VDR: variants seen among roughly 807,000 people sequenced by gnomAD.
VDR encodes vitamin D receptor, also known as vitamin D3 receptor.
Under a neutral mutation model 39.7 loss-of-function variants are expected in VDR, and 19 were observed. That is an observed-to-expected ratio of 0.48 (90% confidence interval 0.33 to 0.70). The LOEUF (loss-of-function observed/expected upper bound fraction) is 0.70, where lower values mean the gene tolerates loss of function less well. VDR is among the 30% of genes least tolerant of loss of function. The pLI, the probability that VDR is intolerant of heterozygous loss-of-function variation, is 0.02. For synonymous variants in VDR, 242 were observed against 215.8 expected, an observed-to-expected ratio of 1.12 and a Z score of -1.07; for missense variants, 442 against 570.5, an observed-to-expected ratio of 0.77 and a Z score of 2.29.
intron 3 of VDR, among the ~76,000 whole-genome samples, chr12:47,873,636 C>G (rs1945937751): frequency 6.6e-6 from 1 of 152,122 alleles, no homozygotes; most frequent in Non-Finnish European, 1.5e-5. Context: ...GCTGGGATTA[C>G]AGGCGTGAGC....
intron 1 of VDR, 28 bp from the exon 2 acceptor site, chr12:47,882,802 T>C (rs1264740619): frequency 3.9e-6 from 6 of 1,526,866 alleles, no homozygotes; most frequent in Non-Finnish European, 4.4e-6. Flanking sequence ...AAACCTTTTA[T>C]CTAAGGCGGA....
In VDR at chr12:47,863,366, A is replaced by G. The variant is rs914910298; in HGVS notation, c.277+1681T>C. Among the ~76,000 whole-genome samples the G allele has an allele frequency of 7.9e-5, 12 of 152,208 alleles. 1 individual carries two copies. Among genetic ancestry groups the G allele is most frequent in the African/African-American group, 2.9e-4 (12 of 41,460 alleles). On this transcript the variant is annotated intron_variant, in intron 4 of 9. Transcript: ENST00000549336. The stretch of plus-strand genomic sequence containing the variant: ...GTAGGAGAGGGGCCTCTTGGGCATC[A>G]GTGAGCTTAGTCCTGAGGGGAACTC...
intron 2 of VDR, 49 bp downstream of exon 2, chr12:47,882,645 C>CCTT: frequency 9.7e-7 from 1 of 1,027,896 alleles, no homozygotes; most frequent in Non-Finnish European, 1.4e-6. Flanking sequence ...CACCCCGCCC[C>CCTT]TTGAAAACAG....
intron 4 of VDR, among the ~76,000 whole-genome samples, chr12:47,859,805 T>C (rs992273652): frequency 4.6e-5 from 7 of 152,190 alleles, no homozygotes; most frequent in African/African-American, 1.7e-4. Flanking sequence ...GCAGGGTCCA[T>C]GTCTTACAAT....
At chr12:47,896,171 C>T (rs562198553) in intron 1 of VDR, among the ~76,000 whole-genome samples, 205 of 152,216 alleles carry the variant, frequency 1.3e-3, no homozygotes, top group Non-Finnish European at 2.4e-3. Flanking sequence ...GAGATAATCA[C>T]GTCAAGTGCT....
chr12:47,865,247 C>G, intron 3 of VDR, 70 bp from the exon 4 acceptor site: 1 of 1,595,066 alleles, frequency 6.3e-7, no homozygotes, highest in East Asian at 2.2e-5. Flanking sequence ...ATCACGGAGA[C>G]CTGTCTTCTG....
intron 1 of VDR, among the ~76,000 whole-genome samples, chr12:47,896,317 A>G (rs917366724): frequency 6.6e-6 from 1 of 152,222 alleles, no homozygotes; most frequent in Non-Finnish European, 1.5e-5. Flanking sequence ...ACACAAAGCA[A>G]TTGCCCTTCA....
intron 4 of VDR, among the ~76,000 whole-genome samples, chr12:47,859,401 A>T (rs540355779): frequency 1.4e-4 from 21 of 152,332 alleles, no homozygotes; most frequent in African/African-American, 5.0e-4. Flanking sequence ...TTCTGGACAC[A>T]GCCTCTGTTC....
intron 7 of VDR, 103 bp downstream of exon 7, chr12:47,855,526 TA>T: frequency 7.1e-7 from 1 of 1,401,324 alleles, no homozygotes; most frequent in Non-Finnish European, 9.8e-7. Context: ...TTTAAAAAAA[TA>T]AAAAATAAAA....
chr12:47,899,954 G>A (rs1565640084), intron 1 of VDR: 1 of 985,494 alleles, frequency 1.0e-6, no homozygotes, highest in African/African-American at 1.7e-5. Context: ...CTAGGTTCAG[G>A]AGCCCTTAAG....
chr12:47,852,084 G>T (rs1416739496), intron 7 of VDR, among the ~76,000 whole-genome samples: 1 of 152,222 alleles, frequency 6.6e-6, no homozygotes, highest in African/African-American at 2.4e-5. Context: ...GGAGGCTGGG[G>T]TTCCTTAGTG....
intron 1 of VDR, chr12:47,904,637 G>A (rs1053167462): frequency 2.1e-5 from 32 of 1,535,552 alleles, no homozygotes; most frequent in African/African-American, 4.1e-5. Context: ...CCATGCCAAG[G>A]CGCCCCGACA....
At chr12:47,895,999 C>A (rs2137243603) in intron 1 of VDR, among the ~76,000 whole-genome samples, 1 of 152,352 alleles carries the variant, frequency 6.6e-6, no homozygotes, top group East Asian at 1.9e-4. Context: ...GTTAGAAGTG[C>A]AGGCTCTGGA....
chr12:47,904,840 G>T (rs1946640991), intron 1 of VDR, 115 bp downstream of exon 1: 2 of 475,462 alleles, frequency 4.2e-6, no homozygotes, highest in African/African-American at 2.0e-5. Flanking sequence ...CAAGTTTACC[G>T]CTGAGACTTA....
rs372214151 is a variant in VDR, at chr12:47,850,799, C to G, written c.756-3991G>C. On this transcript the variant is annotated intron_variant, in intron 7 of 9. Transcript: ENST00000549336. ...ACGCCTGCAGCCGCTTCTGGGCACC[C>G]GAGATGTGACTGGAATTGTGTTGCT... Among the ~76,000 whole-genome samples, 113 of 152,200 alleles carry G rather than the reference C, an allele frequency of 7.4e-4. 1 individual carries two copies. Among genetic ancestry groups the G allele is most frequent in the Middle Eastern group, 6.8e-3 (2 of 294 alleles).
At position 47,844,346 on chromosome 12, in the gene VDR, C is replaced by A. The variant is rs751608396; in HGVS notation, c.*400G>T. On this transcript the variant is annotated 3_prime_UTR_variant, in exon 10 of 10. Coordinates refer to ENST00000549336, the MANE Select transcript of VDR (RefSeq NM_000376.3). Reference sequence around the variant, plus strand: ...CCCACTAGGCGCTGGACAAGCGGGGCCTGCAGTGGGGGGAGGTGCAGGTGT... The same window carrying A: ...CCCACTAGGCGCTGGACAAGCGGGGACTGCAGTGGGGGGAGGTGCAGGTGT... The A allele has an allele frequency of 3.5e-5, 12 of 341,584 alleles. No individual in the cohort carries two copies. In the Admixed American group the frequency reaches 4.0e-4, roughly 11 times the overall value. 21.2% of individuals were successfully genotyped at this position (341,584 alleles called of 1,614,324 possible). A position where few individuals can be genotyped will look rare whatever the true frequency, so the allele number is the denominator to read the frequency against.
intron 3 of VDR, among the ~76,000 whole-genome samples, chr12:47,873,426 T>A (rs960465179): frequency 7.5e-6 from 1 of 133,630 alleles, no homozygotes; most frequent in African/African-American, 2.9e-5. Context: ...AGTGGCGCAA[T>A]CTCGGCTCAC....
At chr12:47,845,917 A>G (rs1945270744) in intron 9 of VDR, among the ~76,000 whole-genome samples, 1 of 152,242 alleles carries the variant, frequency 6.6e-6, no homozygotes, top group South Asian at 2.1e-4. Context: ...ATTGCCTCCA[A>G]AATCAATCAG....
Position 47,844,491 on chromosome 12 carries a change from G to C in VDR, c.*255C>G. On this transcript the variant is annotated 3_prime_UTR_variant, in exon 10 of 10. Transcript: ENST00000549336. ...GCCCTGCCTCCAGCCTCTGCCCTCT[G>C]CCCCCACTTGGGTTTCTTTGTCAAA... 1 of 595,950 alleles carries C rather than the reference G, an allele frequency of 1.7e-6. No individual in the cohort carries two copies. Among genetic ancestry groups the C allele is most frequent in the Non-Finnish European group, 3.0e-6 (1 of 336,124 alleles). The allele number at this position is 595,950 out of a possible 1,614,324, so 36.9% of individuals were successfully genotyped here.
Sources: allele counts gnomAD v4.1 joint callset (sites outside exome capture counted in the v4.1 genomes callset), GRCh38; gene constraint gnomAD v4.1.1; transcripts MANE v1.5; gene names NCBI Gene and HGNC (gene_info 2026-07-23, HGNC 2026-07-21).